The following DNASE1 variants were observed in gnomAD, a reference collection of about 807,000 sequenced individuals.
DNASE1 encodes the protein deoxyribonuclease 1.
Under a neutral mutation model 33.9 loss-of-function variants are expected in DNASE1, and 40 were observed. The ratio of observed to expected loss-of-function variants is 1.18; its 90% CI spans 0.92 to 1.54. The LOEUF (loss-of-function observed/expected upper bound fraction) is 1.54, where lower values mean the gene tolerates loss of function less well. Ranked by LOEUF, DNASE1 falls within the 40% of genes most tolerant of loss-of-function variation. The pLI is 0.00. For synonymous variants in DNASE1, 216 were observed against 160.0 expected, an observed-to-expected ratio of 1.35 and a Z score of -2.64; for missense variants, 518 against 372.6, an observed-to-expected ratio of 1.39 and a Z score of -3.21.
At chr16:3,637,855 G>C (rs1299363436) in intron 1 of DNASE1, among the ~76,000 whole-genome samples, 1 of 152,122 alleles carries the variant, frequency 6.6e-6, no homozygotes, top group African/African-American at 2.4e-5. Flanking sequence ...CTGGGCTCCT[G>C]CTCAGGTAAG....
chr16:3,661,789 C>CTCA (rs2043090758), downstream of DNASE1: 1 of 572,836 alleles, frequency 1.7e-6, no homozygotes, highest in Admixed American at 4.2e-5. Flanking sequence ...TCCCAGGTGA[C>CTCA]ACCTGGGGAT....
downstream of DNASE1, chr16:3,659,155 A>C (rs1003676247): frequency 3.1e-6 from 1 of 322,796 alleles, no homozygotes; most frequent in African/African-American, 2.2e-5. Context: ...CTTGGTTCCT[A>C]GATAAATAAT....
chr16:3,632,429 C>G (rs930486666), intron 1 of DNASE1, among the ~76,000 whole-genome samples: 10 of 152,170 alleles, frequency 6.6e-5, no homozygotes, highest in Non-Finnish European at 1.0e-4. Context: ...GTTACCTCAT[C>G]TTAGAGAAAT....
At chr16:3,635,521 C>A (rs2041843507) in intron 1 of DNASE1, among the ~76,000 whole-genome samples, 1 of 150,166 alleles carries the variant, frequency 6.7e-6, no homozygotes, top group Non-Finnish European at 1.5e-5. Context: ...TATTTATTCT[C>A]TAATGCTCTT....
At chr16:3,658,615 G>A (rs537971545), downstream of DNASE1, 2 of 632,004 alleles carry the variant, frequency 3.2e-6, no homozygotes, top group Non-Finnish European at 2.7e-6. Flanking sequence ...AGAGGTTGTA[G>A]TGAGCCAAGA....
At chr16:3,627,190 T>C (rs1377776901) in intron 1 of DNASE1, among the ~76,000 whole-genome samples, 1 of 152,084 alleles carries the variant, frequency 6.6e-6, no homozygotes, top group Non-Finnish European at 1.5e-5. Context: ...ACTGGTAATT[T>C]TCTTTGCTAT....
At chr16:3,661,722 G>GT, downstream of DNASE1, 1 of 392,438 alleles carries the variant, frequency 2.5e-6, no homozygotes, top group Non-Finnish European at 4.5e-6. Context: ...ACACGCACAG[G>GT]TGGCAAAGCC....
chr16:3,658,412 G>A (rs1046350135), downstream of DNASE1: 17 of 613,266 alleles, frequency 2.8e-5, no homozygotes, highest in African/African-American at 1.1e-4. Flanking sequence ...GAGCCACCAC[G>A]CCTGGCCATT....
In DNASE1 at chr16:3,656,128, TG is replaced by T. The variant is rs1437795310; in HGVS notation, c.265del (p.Val89SerfsTer75). ...NQDAPDTYHYVVSEPLGRNSY... is the reference protein window; with the variant it reads ...NQDAPDTYHYXVSEPLGRNSY... ...GATGCACCAGACACCTATCACTACGTGGTCAGTGAGCCACTGGGACGGAACA... is the reference window on the plus strand; with the variant it reads ...GATGCACCAGACACCTATCACTACGTGTCAGTGAGCCACTGGGACGGAACA... On this transcript the variant is annotated frameshift_variant, in exon 4 of 9. Transcript: ENST00000246949. LOFTEE classifies it high-confidence loss of function. 1.7e-5 allele frequency: 27 copies of T among 1,613,938 alleles called. No individual in the cohort carries two copies. The highest frequency in any genetic ancestry group is 2.1e-5 in the Non-Finnish European group (25 of 1,180,006).
chr16:3,646,585 G>A (rs2042178705), intron 1 of DNASE1, among the ~76,000 whole-genome samples: 1 of 152,208 alleles, frequency 6.6e-6, no homozygotes. Context: ...TCTGCAGGCA[G>A]AGCGGAAGGC....
At chr16:3,661,807 G>A (rs1596683954), downstream of DNASE1, 4 of 707,982 alleles carry the variant, frequency 5.6e-6, no homozygotes, top group East Asian at 1.3e-4. Flanking sequence ...GATGGTAAGG[G>A]GCTGGCCAGG....
At chr16:3,664,354 T>A in exon 10 of DNASE1, 1 of 1,613,032 alleles carries the variant, frequency 6.2e-7, no homozygotes, top group Non-Finnish European at 8.5e-7. Context: ...AGGTAGTAGA[T>A]GTTGCGGGTG....
upstream of DNASE1, chr16:3,641,003 A>T (rs2042010097): frequency 5.0e-6 from 2 of 398,372 alleles, no homozygotes; most frequent in African/African-American, 4.1e-5. Context: ...GGCCACTCGG[A>T]TGTGGTCACT....
At chr16:3,660,946 C>G (rs994981185), downstream of DNASE1, 1 of 129,656 alleles carries the variant, frequency 7.7e-6, no homozygotes, top group African/African-American at 2.5e-5. Context: ...ACTACTTAGG[C>G]TACATTGTGG....
At position 3,655,736 on chromosome 16, in the gene DNASE1, G is replaced by A. The variant is rs1393927168; in HGVS notation, c.148-113G>A. On this transcript the variant is annotated intron_variant, in intron 2 of 8. Coordinates refer to ENST00000246949, the MANE Select transcript of DNASE1 (RefSeq NM_005223.4). ...GCAGGAGCCCAGGCAGAAACATGAG[G>A]CTGCGGTTAAACCGAGCAATGCCAC... The A allele has an allele frequency of 6.2e-6, 9 of 1,453,978 alleles. No individual in the cohort carries two copies. In the East Asian group the frequency reaches 6.8e-5, roughly 11 times the overall value. 90.1% of individuals were successfully genotyped at this position (1,453,978 alleles called of 1,614,324 possible). A position where few individuals can be genotyped will look rare whatever the true frequency, so the allele number is the denominator to read the frequency against.
At chr16:3,658,348 C>G (rs2042845731), downstream of DNASE1, 1 of 788,956 alleles carries the variant, frequency 1.3e-6, no homozygotes, top group Non-Finnish European at 2.1e-6. Context: ...GATCTCGGCT[C>G]ACTGCAACCT....
intron 1 of DNASE1, among the ~76,000 whole-genome samples, chr16:3,615,176 T>C (rs987971457): frequency 6.6e-6 from 1 of 152,182 alleles, no homozygotes; most frequent in Non-Finnish European, 1.5e-5. Context: ...GGTCTCAAGA[T>C]TGAGAAGCAC....
chr16:3,617,489 A>G (rs1224104134), intron 1 of DNASE1, among the ~76,000 whole-genome samples: 1 of 152,208 alleles, frequency 6.6e-6, no homozygotes, highest in East Asian at 1.9e-4. Context: ...AAAGTATACT[A>G]TCAAGAAAAT....
At chr16:3,620,945 C>T (rs555341500) in intron 1 of DNASE1, among the ~76,000 whole-genome samples, 10 of 152,046 alleles carry the variant, frequency 6.6e-5, no homozygotes, top group East Asian at 3.9e-4. Flanking sequence ...GGATTACAGG[C>T]GCCTGCACCA....
Sources: allele counts gnomAD v4.1 joint callset (sites outside exome capture counted in the v4.1 genomes callset), GRCh38; gene constraint gnomAD v4.1.1; transcripts MANE v1.5; gene names NCBI Gene and HGNC (gene_info 2026-07-23, HGNC 2026-07-21).